The following DLG2 variants were observed in gnomAD, a reference collection of about 807,000 sequenced individuals.
DLG2 encodes the protein discs large MAGUK scaffold protein 2.
Under a neutral mutation model 132.5 loss-of-function variants are expected in DLG2, and 45 were observed. The observed-to-expected ratio is 0.34, with a 90% CI of 0.27 to 0.44. The LOEUF is 0.44. DLG2 is among the 20% of genes least tolerant of loss of function. The probability of loss-of-function intolerance (pLI) is 1.00; values close to 1 mark genes in which losing one functional copy is unlikely to be tolerated. For missense variants in DLG2, 1,045 were observed against 1,196.9 expected (o/e 0.87, Z 1.87); for synonymous variants, 424 against 419.6 (o/e 1.01, Z -0.13).
intron 6 of DLG2, among the ~76,000 whole-genome samples, chr11:85,066,969 T>C (rs1031969822): frequency 2.6e-5 from 4 of 151,722 alleles, no homozygotes; most frequent in African/African-American, 9.7e-5. Flanking sequence ...GGGATCCAAA[T>C]TAGAAAACGG....
chr11:83,636,072 T>C (rs1276059162), intron 18 of DLG2, among the ~76,000 whole-genome samples: 1 of 152,146 alleles, frequency 6.6e-6, no homozygotes, highest in Non-Finnish European at 1.5e-5. Context: ...TCTGGAGAGA[T>C]GGGACACTCT....
intron 17 of DLG2, among the ~76,000 whole-genome samples, chr11:83,798,157 T>C (rs2043340114): frequency 6.6e-6 from 1 of 152,192 alleles, no homozygotes; most frequent in Non-Finnish European, 1.5e-5. Flanking sequence ...CTGAAAGCAG[T>C]GTCCTGGGAA....
Position 83,466,651 on chromosome 11 carries a change from A to G in DLG2, c.2729+57T>C, listed in dbSNP as rs2091089518. On this transcript the variant is annotated intron_variant, in intron 26 of 27. Transcript: ENST00000376104. ...CAGCAAAATCCTGTTAGTAATTTTC[A>G]GTATAATACAGAACAGGGAGTCAGT... 16 of 844,602 alleles carry G rather than the reference A, an allele frequency of 1.9e-5. No individual in the cohort carries two copies. In the South Asian group the frequency reaches 3.4e-4, roughly 18 times the overall value. The allele number at this position is 844,602 out of a possible 1,614,324, so 52.3% of individuals were successfully genotyped here.
At position 83,688,340 on chromosome 11, in the gene DLG2, C is replaced by T. The variant is rs150676298; in HGVS notation, c.1826-55015G>A. Among the ~76,000 whole-genome samples the T allele has an allele frequency of 5.0e-3, 766 of 152,124 alleles. 4 individuals carry two copies. The highest frequency in any genetic ancestry group is 9.5e-3 in the Admixed American group (145 of 15,272). ...CGGGTTCAGGATTTGTGGGCTTGTGCGAATGTCTGAGGATTAAATGAGATC... is the reference window on the plus strand; with the variant it reads ...CGGGTTCAGGATTTGTGGGCTTGTGTGAATGTCTGAGGATTAAATGAGATC... On this transcript the variant is annotated intron_variant, in intron 18 of 27. Coordinates refer to ENST00000376104, the MANE Select transcript of DLG2 (RefSeq NM_001142699.3).
rs1220261201 is a variant in DLG2, at chr11:84,220,975, T to A, written c.573+30263A>T. Among the ~76,000 whole-genome samples the A allele has an allele frequency of 4.7e-5, 7 of 148,914 alleles. No homozygotes were observed. In the South Asian group the frequency reaches 1.5e-3, roughly 32 times the overall value. ...GCTGATGTTTTTTTTTTTTTTTACT[T>A]TTTTTTTTGGTAGAGACAGAGTCTC... On this transcript the variant is annotated intron_variant, in intron 8 of 27. Transcript: ENST00000376104.
chr11:85,566,897 A>C (rs2077559912), intron 3 of DLG2, among the ~76,000 whole-genome samples: 3 of 152,248 alleles, frequency 2.0e-5, no homozygotes, highest in African/African-American at 7.2e-5. Context: ...GGAGCTAGCT[A>C]TATGTCCTGG....
At chr11:83,787,481 C>T (rs2153890471) in intron 17 of DLG2, among the ~76,000 whole-genome samples, 1 of 151,840 alleles carries the variant, frequency 6.6e-6, no homozygotes, top group African/African-American at 2.4e-5. Context: ...GCCACCACGC[C>T]CGGCTAATTT....
intron 8 of DLG2, among the ~76,000 whole-genome samples, chr11:84,186,094 T>C (rs995339762): frequency 1.3e-5 from 2 of 152,180 alleles, no homozygotes; most frequent in Non-Finnish European, 2.9e-5. Flanking sequence ...TTCTAAGATT[T>C]TATCTTTGCC....
chr11:84,638,804 T>G (rs1337760956), intron 6 of DLG2, among the ~76,000 whole-genome samples: 1 of 152,186 alleles, frequency 6.6e-6, no homozygotes, highest in Non-Finnish European at 1.5e-5. Flanking sequence ...TGTGTATGTG[T>G]GTGTGTTCAG....
chr11:84,894,970 A>G (rs1337303323), intron 6 of DLG2, among the ~76,000 whole-genome samples: 2 of 152,192 alleles, frequency 1.3e-5, no homozygotes, highest in African/African-American at 4.8e-5. Context: ...TGTCTCACTC[A>G]TACTTGAATC....
chr11:83,674,702 A>T (rs1032553183), intron 18 of DLG2, among the ~76,000 whole-genome samples: 7 of 152,216 alleles, frequency 4.6e-5, no homozygotes, highest in African/African-American at 1.7e-4. Flanking sequence ...ATGTTTTCTG[A>T]GTGAAAACAG....
At position 84,014,724 on chromosome 11, in the gene DLG2, G is replaced by A. The variant is rs558611631; in HGVS notation, c.920-34082C>T. ...AATCAGGAAGAGGGCATTCCAATCC[G>A]CTGTTATGAAAGGCATGATTTTACA... On this transcript the variant is annotated intron_variant, in intron 11 of 27. Transcript: ENST00000376104. 1.8e-4 allele frequency among the ~76,000 whole-genome samples: 27 copies of A among 152,164 alleles called. 1 individual carries two copies. Among genetic ancestry groups the A allele is most frequent in the Admixed American group, 4.6e-4 (7 of 15,270 alleles).
chr11:84,702,738 T>G (rs2059340103), intron 6 of DLG2, among the ~76,000 whole-genome samples: 1 of 151,674 alleles, frequency 6.6e-6, no homozygotes, highest in Non-Finnish European at 1.5e-5. Context: ...TCTCCTATCA[T>G]GTCTTTCCCT....
intron 9 of DLG2, among the ~76,000 whole-genome samples, chr11:84,146,806 G>A (rs1383477052): frequency 8.5e-5 from 13 of 152,158 alleles, no homozygotes; most frequent in African/African-American, 3.1e-4. Flanking sequence ...AGGAAAGAGG[G>A]TGGTGGTTTC....
intron 8 of DLG2, among the ~76,000 whole-genome samples, chr11:84,227,629 A>G (rs943570402): frequency 6.6e-6 from 1 of 152,176 alleles, no homozygotes; most frequent in East Asian, 1.9e-4. Context: ...GCTTTAAAAA[A>G]TATGTATATT....
chr11:83,819,436 C>G (rs1436727428), intron 17 of DLG2, among the ~76,000 whole-genome samples: 10 of 127,682 alleles, frequency 7.8e-5, no homozygotes, highest in Non-Finnish European at 4.7e-5. Context: ...TGCCACTATA[C>G]TCCAGCCTGG....
chr11:83,722,837 T>G (rs1207715158), intron 18 of DLG2, among the ~76,000 whole-genome samples: 1 of 152,222 alleles, frequency 6.6e-6, no homozygotes, highest in Admixed American at 6.5e-5. Flanking sequence ...ATATATGTTC[T>G]TAAGGAAATA....
At chr11:85,561,932 T>G (rs959531136) in intron 3 of DLG2, among the ~76,000 whole-genome samples, 1 of 151,840 alleles carries the variant, frequency 6.6e-6, no homozygotes, top group African/African-American at 2.4e-5. Context: ...TCACTCCATT[T>G]TACAGATACA....
intron 3 of DLG2, among the ~76,000 whole-genome samples, chr11:85,541,791 C>T (rs930871901): frequency 6.6e-6 from 1 of 152,106 alleles, no homozygotes; most frequent in African/African-American, 2.4e-5. Flanking sequence ...CCTCTGCCTC[C>T]CTTTCTCTTG....
Sources: gnomAD v4.1 joint callset for allele counts (sites outside exome capture counted in the v4.1 genomes callset) on GRCh38, gnomAD v4.1.1 for gene constraint, MANE v1.5 for transcripts, NCBI Gene and HGNC (gene_info 2026-07-23, HGNC 2026-07-21) for gene names.